Variants in GALNT13 observed in about 807,000 individuals in gnomAD.
GALNT13 encodes the protein polypeptide N-acetylgalactosaminyltransferase 13, also known as UDP-GalNAc:polypeptide N-acetylgalactosaminyltransferase 13.
A neutral mutation model predicts 64.2 loss-of-function variants in GALNT13; 28 were observed. The observed-to-expected ratio is 0.44, with a 90% CI of 0.32 to 0.60. GALNT13 has a LOEUF of 0.60. GALNT13 is among the 20% of genes least tolerant of loss of function. GALNT13 has a pLI of 0.05. For missense variants in GALNT13, 577 were observed against 669.8 expected (o/e 0.86, Z 1.53); for synonymous variants, 214 against 224.6 (o/e 0.95, Z 0.42).
chr2:153,782,800 A>C, the GALNT13 span, among the ~76,000 whole-genome samples: 2 of 152,286 alleles, frequency 1.3e-5, no homozygotes, highest in African/African-American at 4.8e-5. Context: ...AATCATTATA[A>C]AATAAATTTC....
chr2:153,331,887 C>G, the GALNT13 span, among the ~76,000 whole-genome samples: 1 of 151,702 alleles, frequency 6.6e-6, no homozygotes, highest in Non-Finnish European at 1.5e-5. Context: ...TCAGTTTCTT[C>G]CTGTTTCAAT....
At chr2:154,190,452 A>G (rs929458609) in intron 4 of GALNT13, among the ~76,000 whole-genome samples, 2 of 152,226 alleles carry the variant, frequency 1.3e-5, no homozygotes, top group Non-Finnish European at 2.9e-5. Context: ...ACAAATGGAA[A>G]GTATATTGTT....
the GALNT13 span, among the ~76,000 whole-genome samples, chr2:153,208,774 T>C: frequency 6.6e-6 from 1 of 152,094 alleles, no homozygotes; most frequent in African/African-American, 2.4e-5. Flanking sequence ...ACCAGCAACA[T>C]ATGAGGGCTC....
chr2:153,363,004 T>C, the GALNT13 span, among the ~76,000 whole-genome samples: 1 of 152,094 alleles, frequency 6.6e-6, no homozygotes, highest in Non-Finnish European at 1.5e-5. Flanking sequence ...CCTCAGCAAA[T>C]GCAAAAGAAC....
chr2:154,394,077 CA>C (rs369267777), intron 9 of GALNT13, among the ~76,000 whole-genome samples: 8 of 32,004 alleles, frequency 2.5e-4, no homozygotes, highest in African/African-American at 7.3e-4. Context: ...GACTCCGTCT[CA>C]AAAAAAAAAA....
the GALNT13 span, among the ~76,000 whole-genome samples, chr2:153,417,190 G>C: frequency 6.6e-6 from 1 of 152,266 alleles, no homozygotes; most frequent in African/African-American, 2.4e-5. Context: ...TGCCAATAAT[G>C]TTCCAGGAAT....
chr2:153,707,780 G>A, the GALNT13 span, among the ~76,000 whole-genome samples: 1 of 152,078 alleles, frequency 6.6e-6, no homozygotes, highest in Non-Finnish European at 1.5e-5. Flanking sequence ...AGTAAAACCT[G>A]GATTATATGT....
At chr2:154,183,472 G>A (rs1686077025) in intron 4 of GALNT13, among the ~76,000 whole-genome samples, 1 of 152,144 alleles carries the variant, frequency 6.6e-6, no homozygotes, top group Non-Finnish European at 1.5e-5. Flanking sequence ...AGCACTTTGG[G>A]AGGCTGAGGC....
chr2:153,709,708 C>A, the GALNT13 span, among the ~76,000 whole-genome samples: 7 of 152,076 alleles, frequency 4.6e-5, no homozygotes, highest in East Asian at 1.4e-3. Context: ...CATTGCAGCT[C>A]CATTCACCAC....
At chr2:153,231,100 G>C in the GALNT13 span, among the ~76,000 whole-genome samples, 17 of 152,168 alleles carry the variant, frequency 1.1e-4, no homozygotes, top group African/African-American at 4.1e-4. Context: ...TCCTTCATCG[G>C]TTTTAACTAT....
chr2:153,147,605 A>G, the GALNT13 span, among the ~76,000 whole-genome samples: 1 of 150,670 alleles, frequency 6.6e-6, no homozygotes, highest in Non-Finnish European at 1.5e-5. Context: ...ATTAGAACCA[A>G]CTCCTAGAGA....
At chr2:153,454,333 C>G in the GALNT13 span, among the ~76,000 whole-genome samples, 2 of 152,126 alleles carry the variant, frequency 1.3e-5, no homozygotes. Context: ...TCATCCAGAT[C>G]CTACTTTAAG....
chr2:153,426,985 G>A, the GALNT13 span, among the ~76,000 whole-genome samples: 8 of 151,770 alleles, frequency 5.3e-5, no homozygotes, highest in African/African-American at 1.9e-4. Context: ...AAACATTAGA[G>A]TATTGCTCAT....
At chr2:153,631,646 G>A in the GALNT13 span, among the ~76,000 whole-genome samples, 2 of 152,056 alleles carry the variant, frequency 1.3e-5, no homozygotes, top group Non-Finnish European at 2.9e-5. Context: ...TCACCCACTT[G>A]TTGATGGGGT....
the GALNT13 span, among the ~76,000 whole-genome samples, chr2:153,834,781 A>C: frequency 6.6e-6 from 1 of 152,092 alleles, no homozygotes; most frequent in African/African-American, 2.4e-5. Flanking sequence ...GGCTTATATA[A>C]CATGTATAAT....
At chr2:153,997,791 C>T (rs929506400) in intron 3 of GALNT13, among the ~76,000 whole-genome samples, 6 of 152,128 alleles carry the variant, frequency 3.9e-5, no homozygotes, top group African/African-American at 1.4e-4. Flanking sequence ...TATCCCTTCC[C>T]TAGCCCCCGA....
chr2:153,275,190 AAC>A, the GALNT13 span, among the ~76,000 whole-genome samples: 2 of 152,320 alleles, frequency 1.3e-5, no homozygotes, highest in Admixed American at 6.5e-5. Flanking sequence ...GTAATATAGA[AAC>A]ACACATTTAG....
At chr2:153,148,206 C>G in the GALNT13 span, among the ~76,000 whole-genome samples, 1 of 151,866 alleles carries the variant, frequency 6.6e-6, no homozygotes, top group Admixed American at 6.6e-5. Context: ...CTTTAAATTA[C>G]TCCTTTGTGG....
At chr2:154,301,891 T>A (rs956821482) in intron 9 of GALNT13, among the ~76,000 whole-genome samples, 6 of 152,080 alleles carry the variant, frequency 3.9e-5, no homozygotes, top group African/African-American at 1.4e-4. Context: ...AGAATATTTT[T>A]AAAAATATTT....
Sources: allele counts gnomAD v4.1 joint callset (sites outside exome capture counted in the v4.1 genomes callset), GRCh38; gene constraint gnomAD v4.1.1; transcripts MANE v1.5; gene names NCBI Gene and HGNC (gene_info 2026-07-23, HGNC 2026-07-21).